Variants in DPP10 observed in about 807,000 individuals in gnomAD.
The protein encoded by DPP10 is inactive dipeptidyl peptidase 10.
DPP10 carries 33 observed loss-of-function variants against 120.9 expected under a neutral mutation model. That is an observed-to-expected ratio of 0.27 (90% confidence interval 0.21 to 0.37). DPP10 has a LOEUF of 0.37. Ranked by LOEUF, DPP10 falls within the 10% of genes least tolerant of loss-of-function variation. The pLI is 1.00. For synonymous variants in DPP10, 337 were observed against 326.1 expected (o/e 1.03, Z -0.36); for missense variants, 816 against 942.8 (o/e 0.87, Z 1.76).
intron 5 of DPP10, among the ~76,000 whole-genome samples, chr2:115,660,410 A>G (rs1384973301): frequency 2.0e-5 from 3 of 152,190 alleles, no homozygotes; most frequent in Non-Finnish European, 4.4e-5. Flanking sequence ...TAGGCTAAGT[A>G]AGTTACAAAG....
intron 1 of DPP10, among the ~76,000 whole-genome samples, chr2:114,832,531 C>T (rs1028857722): frequency 1.3e-5 from 2 of 152,152 alleles, no homozygotes; most frequent in Non-Finnish European, 2.9e-5. Flanking sequence ...GAGACTCCGT[C>T]TCAAAATAAA....
At chr2:115,766,310 G>GTGTGTATATATATATA (rs1371625141) in intron 12 of DPP10, among the ~76,000 whole-genome samples, 1 of 81,738 alleles carries the variant, frequency 1.2e-5, no homozygotes, top group African/African-American at 4.3e-5. Context: ...GTGTGTGTGT[G>GTGTGTATATATATATA]TATATATATA....
In DPP10 at chr2:115,519,372, G is replaced by C. The variant is rs552545597; in HGVS notation, c.367-6526G>C. 6.6e-5 allele frequency among the ~76,000 whole-genome samples: 10 copies of C among 152,060 alleles called. No homozygotes were observed. The South Asian group carries it at 2.1e-3, about 32-fold the overall frequency. On this transcript the variant is annotated intron_variant, in intron 4 of 25. Transcript: ENST00000410059. Reference sequence around the variant, plus strand: ...TGTATCATGGCATTTTCTGCATTGGGTTGTTTTATTAAATACTCCAATATC... The same window carrying C: ...TGTATCATGGCATTTTCTGCATTGGCTTGTTTTATTAAATACTCCAATATC...
intron 1 of DPP10, among the ~76,000 whole-genome samples, chr2:115,036,532 T>A (rs1438895559): frequency 1.3e-5 from 2 of 152,190 alleles, no homozygotes; most frequent in East Asian, 3.9e-4. Context: ...CTTTTGATTA[T>A]CGCACCATTG....
chr2:115,633,972 T>C (rs1398530196), intron 5 of DPP10, among the ~76,000 whole-genome samples: 1 of 152,208 alleles, frequency 6.6e-6, no homozygotes, highest in Non-Finnish European at 1.5e-5. Context: ...TTGGAGGTTT[T>C]GTTCATTCCT....
intron 1 of DPP10, among the ~76,000 whole-genome samples, chr2:114,941,862 G>A (rs1696926955): frequency 6.6e-6 from 1 of 152,044 alleles, no homozygotes; most frequent in Non-Finnish European, 1.5e-5. Flanking sequence ...TGAGGACGTG[G>A]TAAAATTTCA....
At chr2:114,986,764 A>C (rs1047599743) in intron 1 of DPP10, among the ~76,000 whole-genome samples, 10 of 152,124 alleles carry the variant, frequency 6.6e-5, no homozygotes, top group African/African-American at 2.4e-4. Context: ...GTTGTAGGAC[A>C]GGTTTTTTTG....
intron 1 of DPP10, chr2:115,297,398 C>A: frequency 5.5e-6 from 1 of 181,394 alleles, no homozygotes; most frequent in South Asian, 8.5e-5. Context: ...TATAGATTAT[C>A]TGTTGTCAAG....
At chr2:114,582,500 T>TA (rs1183722602) in intron 1 of DPP10, among the ~76,000 whole-genome samples, 2 of 152,208 alleles carry the variant, frequency 1.3e-5, no homozygotes, top group Non-Finnish European at 1.5e-5. Flanking sequence ...TGTTTAATTT[T>TA]ATAAGAAACT....
At chr2:114,804,436 A>G (rs1370920131) in intron 1 of DPP10, among the ~76,000 whole-genome samples, 1 of 152,170 alleles carries the variant, frequency 6.6e-6, no homozygotes, top group African/African-American at 2.4e-5. Context: ...AACAGCTTGC[A>G]CTGTGCACCT....
chr2:114,613,475 G>T (rs1001346245), intron 1 of DPP10, among the ~76,000 whole-genome samples: 2 of 152,164 alleles, frequency 1.3e-5, no homozygotes, highest in Non-Finnish European at 2.9e-5. Flanking sequence ...ACAGATGCTG[G>T]TGAAGCTGTG....
chr2:114,952,790 T>C (rs1012248176), intron 1 of DPP10, among the ~76,000 whole-genome samples: 1 of 150,850 alleles, frequency 6.6e-6, no homozygotes, highest in African/African-American at 2.4e-5. Context: ...AGGTACACAG[T>C]AGTTGATGAG....
intron 12 of DPP10, among the ~76,000 whole-genome samples, chr2:115,763,506 C>T (rs555639900): frequency 2.0e-5 from 3 of 152,162 alleles, no homozygotes; most frequent in African/African-American, 7.2e-5. Flanking sequence ...AACTATTTAC[C>T]TAATAGTCAT....
chr2:115,785,839 G>GT (rs35035219), intron 17 of DPP10, among the ~76,000 whole-genome samples: 62,262 of 143,668 alleles, frequency 0.43, 15,922 homozygotes, highest in East Asian at 0.67. Flanking sequence ...TCTGATGTGG[G>GT]TTTTTTTTTT....
chr2:114,916,333 A>C (rs1171822954), intron 1 of DPP10, among the ~76,000 whole-genome samples: 1 of 152,194 alleles, frequency 6.6e-6, no homozygotes, highest in African/African-American at 2.4e-5. Context: ...ATCACTAATA[A>C]AAAATCTAAC....
intron 1 of DPP10, among the ~76,000 whole-genome samples, chr2:115,275,431 CAT>C (rs1294725426): frequency 2.0e-5 from 3 of 152,134 alleles, no homozygotes; most frequent in Admixed American, 6.6e-5. Context: ...TGCATAATCT[CAT>C]ATGCACGTTG....
intron 1 of DPP10, among the ~76,000 whole-genome samples, chr2:114,577,017 T>C (rs572763714): frequency 8.0e-4 from 121 of 152,010 alleles, no homozygotes; most frequent in Non-Finnish European, 1.4e-3. Flanking sequence ...AGCAGGCAAA[T>C]AGATGTGATG....
At chr2:115,828,189 A>T (rs1465624601) in intron 21 of DPP10, among the ~76,000 whole-genome samples, 2 of 152,036 alleles carry the variant, frequency 1.3e-5, no homozygotes, top group African/African-American at 4.8e-5. Flanking sequence ...CTATACTGTA[A>T]AGATGTTTAC....
intron 3 of DPP10, among the ~76,000 whole-genome samples, chr2:115,437,103 G>A (rs145982960): frequency 7.2e-4 from 110 of 152,002 alleles, no homozygotes; most frequent in African/African-American, 2.2e-3. Context: ...TTTTAGAGTC[G>A]TAAGAGACTT....
Sources: allele counts gnomAD v4.1 joint callset (sites outside exome capture counted in the v4.1 genomes callset), GRCh38; gene constraint gnomAD v4.1.1; transcripts MANE v1.5; gene names NCBI Gene and HGNC (gene_info 2026-07-23, HGNC 2026-07-21).